The following IGF1 variants were observed in gnomAD, a reference collection of about 807,000 sequenced individuals.
IGF1 encodes insulin-like growth factor 1.
Under a neutral mutation model 13.8 loss-of-function variants are expected in IGF1, and 4 were observed. The ratio of observed to expected loss-of-function variants is 0.29; its 90% confidence interval spans 0.14 to 0.66. IGF1 has a LOEUF of 0.66. Among genes scored for constraint, IGF1 ranks in the 30% least tolerant of loss-of-function variants. The pLI is 0.78. For synonymous variants in IGF1, 76 were observed against 72.6 expected (o/e 1.05, Z -0.23); for missense variants, 124 against 188.5 (o/e 0.66, Z 2.00).
chr12:102,475,280 A>G (rs113607978), intron 2 of IGF1, among the ~76,000 whole-genome samples: 3 of 152,078 alleles, frequency 2.0e-5, no homozygotes, highest in African/African-American at 7.3e-5. Flanking sequence ...CATGTGTTCC[A>G]TATGTTTATA....
chr12:102,469,751 G>A (rs2137243227), intron 2 of IGF1, among the ~76,000 whole-genome samples: 1 of 152,096 alleles, frequency 6.6e-6, no homozygotes, highest in East Asian at 1.9e-4. Flanking sequence ...TTTGTTTCTG[G>A]AACCATTCAG....
intron 1 of IGF1, among the ~76,000 whole-genome samples, chr12:102,477,047 T>C (rs529329080): frequency 6.6e-6 from 1 of 152,312 alleles, no homozygotes; most frequent in African/African-American, 2.4e-5. Context: ...TGTGGAGTCA[T>C]GCTGGAAGCT....
At chr12:102,468,615 ATGTTG>A (rs1194069983) in intron 2 of IGF1, among the ~76,000 whole-genome samples, 2 of 152,234 alleles carry the variant, frequency 1.3e-5, no homozygotes, top group African/African-American at 4.8e-5. Context: ...GACAAACAAA[ATGTTG>A]TGTTGTCATC....
chr12:102,430,442 A>AC (rs1876637788), intron 2 of IGF1, among the ~76,000 whole-genome samples: 1 of 152,214 alleles, frequency 6.6e-6, no homozygotes, highest in South Asian at 2.1e-4. Context: ...CTGACGAATG[A>AC]AATGACCCTC....
rs540599205 is a variant in IGF1 at position 102,424,390 on chromosome 12, T to C, written c.221-4700A>G. Among the ~76,000 whole-genome samples the C allele has an allele frequency of 2.6e-3, 394 of 152,282 alleles. 8 individuals carry two copies. Among genetic ancestry groups the C allele is most frequent in the Admixed American group, 4.1e-3 (62 of 15,298 alleles). Reference sequence around the variant, plus strand: ...AAAATGAACCTGCATTTCACTTAGATTAACTAAGGATTGATTACACAACCA... The same window carrying C: ...AAAATGAACCTGCATTTCACTTAGACTAACTAAGGATTGATTACACAACCA... On this transcript the variant is annotated intron_variant, in intron 2 of 3. Coordinates refer to ENST00000337514, the MANE Select transcript of IGF1 (RefSeq NM_000618.5).
chr12:102,456,221 GGTGTGTGTGTGTGTGTGTGTGTGTGTGT>G (rs59075811), intron 2 of IGF1, among the ~76,000 whole-genome samples: 35 of 140,188 alleles, frequency 2.5e-4, no homozygotes, highest in Non-Finnish European at 9.3e-5. Context: ...ATTTAAAAAA[GGTGTGTGTGTGTGTGTGTGTGTGTGTGT>G]GTGTGTGTGT....
rs961783873 is a variant in IGF1, at chr12:102,402,015, G to A, written c.*492C>T. 2 of 152,828 alleles carry A rather than the reference G, an allele frequency of 1.3e-5. No homozygotes were observed. Among genetic ancestry groups the A allele is most frequent in the African/African-American group, 4.8e-5 (2 of 41,434 alleles). 9.5% of individuals were successfully genotyped at this position (152,828 alleles called of 1,614,324 possible). On this transcript the variant is annotated 3_prime_UTR_variant, in exon 4 of 4. Transcript: ENST00000337514. ...GCAAATATAAAGGTTATGAAGGGAG[G>A]TGGTGGGTATAGACTAACAAGATTA...
chr12:102,466,797 G>A (rs1880366150), intron 2 of IGF1, among the ~76,000 whole-genome samples: 1 of 152,118 alleles, frequency 6.6e-6, no homozygotes, highest in Admixed American at 6.5e-5. Flanking sequence ...CAGCTACTGG[G>A]GAGGCTGAGG....
intron 2 of IGF1, among the ~76,000 whole-genome samples, chr12:102,458,975 A>G (rs1879678501): frequency 6.6e-6 from 1 of 152,212 alleles, no homozygotes; most frequent in Non-Finnish European, 1.5e-5. Context: ...CTCAATGACT[A>G]CAGCAAGTCA....
chr12:102,402,346 T>C lies in IGF1; in HGVS notation c.*161A>G. 5 of 723,690 alleles carry C rather than the reference T, an allele frequency of 6.9e-6. 1 individual carries two copies. The highest frequency in any genetic ancestry group is 1.3e-5 in the Non-Finnish European group (5 of 390,978). The allele number at this position is 723,690 out of a possible 1,614,324, so 44.8% of individuals were successfully genotyped here. On this transcript the variant is annotated 3_prime_UTR_variant, in exon 4 of 4. Coordinates refer to ENST00000337514, the MANE Select transcript of IGF1 (RefSeq NM_000618.5). ...AGGTGCAAATCACTCCTAAAGACAA[T>C]GTTGGAATGTTTACTTGTGTATTTC...
chr12:102,478,279 A>G (rs1206483907), intron 1 of IGF1, among the ~76,000 whole-genome samples: 1 of 151,990 alleles, frequency 6.6e-6, no homozygotes, highest in East Asian at 1.9e-4. Context: ...GATATGATAG[A>G]AAAAAAAGGG....
At chr12:102,450,506 G>A (rs1279880349) in intron 2 of IGF1, among the ~76,000 whole-genome samples, 4 of 152,164 alleles carry the variant, frequency 2.6e-5, no homozygotes, top group South Asian at 2.1e-4. Context: ...GACTAAATTC[G>A]ACTTGATAAA....
intron 2 of IGF1, among the ~76,000 whole-genome samples, chr12:102,425,424 T>C (rs1315871260): frequency 6.6e-6 from 1 of 152,202 alleles, no homozygotes; most frequent in African/African-American, 2.4e-5. Flanking sequence ...ATTATGGCCC[T>C]CTACGACCTG....
intron 3 of IGF1, among the ~76,000 whole-genome samples, chr12:102,406,091 A>G (rs770432063): frequency 5.3e-5 from 8 of 152,242 alleles, no homozygotes; most frequent in Non-Finnish European, 1.2e-4. Flanking sequence ...ATTCCCATGC[A>G]CACACGTGCA....
At position 102,419,509 on chromosome 12, in the gene IGF1, C is replaced by T. The variant is rs776125139; in HGVS notation, c.402G>A (p.Lys134=). The T allele has an allele frequency of 1.1e-5, 17 of 1,612,374 alleles. No individual in the cohort carries two copies. The highest frequency in any genetic ancestry group is 1.4e-5 in the Non-Finnish European group (17 of 1,179,512). Reference sequence around the variant, plus strand: ...CTGGATCCCACCCAGGTGGGCTTACCTTCTGGGTCTTGGGCATGTCGGTGT... The same window carrying T: ...CTGGATCCCACCCAGGTGGGCTTACTTTCTGGGTCTTGGGCATGTCGGTGT... ...QRHTDMPKTQ[K]EVHLKNASRG... is the part of the protein sequence containing the mutation. The change falls in exon 3 of 4, where the codon AAG becomes AAA. Residue 134 remains lysine, a splice_region_variant and synonymous_variant. Transcript: ENST00000337514.
At chr12:102,468,351 T>A (rs1256836958) in intron 2 of IGF1, among the ~76,000 whole-genome samples, 1 of 152,250 alleles carries the variant, frequency 6.6e-6, no homozygotes, top group Non-Finnish European at 1.5e-5. Context: ...TCTGGCCAGT[T>A]GCAGAAAGCA....
At chr12:102,429,117 TA>T (rs1204515907) in intron 2 of IGF1, among the ~76,000 whole-genome samples, 1 of 152,334 alleles carries the variant, frequency 6.6e-6, no homozygotes, top group East Asian at 1.9e-4. Flanking sequence ...GGTATTATAT[TA>T]TTTTTTTTCA....
chr12:102,406,385 C>T (rs1409350364), intron 3 of IGF1, among the ~76,000 whole-genome samples: 1 of 152,236 alleles, frequency 6.6e-6, no homozygotes, highest in African/African-American at 2.4e-5. Flanking sequence ...AACTGTCTCA[C>T]ATTCAGTCAA....
chr12:102,476,368 T>C (rs1266259692), intron 1 of IGF1, among the ~76,000 whole-genome samples: 2 of 151,884 alleles, frequency 1.3e-5, no homozygotes, highest in African/African-American at 4.8e-5. Flanking sequence ...GACAATACTA[T>C]ATATCATCAC....
Sources: allele counts gnomAD v4.1 joint callset (sites outside exome capture counted in the v4.1 genomes callset), GRCh38; gene constraint gnomAD v4.1.1; transcripts MANE v1.5; gene names NCBI Gene and HGNC (gene_info 2026-07-23, HGNC 2026-07-21).